RDH12: variants seen among roughly 807,000 people sequenced by gnomAD.
RDH12 encodes all-trans and 9-cis retinol dehydrogenase.
A neutral mutation model predicts 34.0 loss-of-function variants in RDH12; 21 were observed. That is an observed-to-expected ratio of 0.62 (90% CI 0.44 to 0.89). RDH12 has a LOEUF of 0.89. Ranked by LOEUF, RDH12 falls within the 40% of genes least tolerant of loss-of-function variation. The pLI is 0.00. For missense variants in RDH12, 394 were observed against 398.6 expected, an observed-to-expected ratio of 0.99 and a Z score of 0.10; for synonymous variants, 198 against 169.9, an observed-to-expected ratio of 1.17 and a Z score of -1.29.
At chr14:67,730,991 A>G (rs1312704792) in intron 8 of RDH12, among the ~76,000 whole-genome samples, 1 of 152,184 alleles carries the variant, frequency 6.6e-6, no homozygotes, top group Non-Finnish European at 1.5e-5. Flanking sequence ...ATGAGATAAA[A>G]GATATCTCAT....
At position 67,733,980 on chromosome 14, in the gene RDH12, T is replaced by G; in HGVS notation, c.*132T>G. ...CGAATCCTGCCTGCTCTGATCCTCT[T>G]GACCCTTCTGGGAATGTTTGCACAC... On this transcript the variant is annotated 3_prime_UTR_variant, in exon 9 of 9. Coordinates refer to ENST00000551171, the MANE Select transcript of RDH12 (RefSeq NM_152443.3). 1.5e-6 allele frequency: 1 copy of G among 670,956 alleles called. No homozygotes were observed. The highest frequency in any genetic ancestry group is 1.5e-5 in the South Asian group (1 of 66,476). 41.6% of individuals were successfully genotyped at this position (670,956 alleles called of 1,614,324 possible).
At position 67,725,132 on chromosome 14, in the gene RDH12, T is replaced by A; in HGVS notation, c.221T>A (p.Leu74Gln). Residue 74 changes from leucine (L) to glutamine (Q), a missense_variant, in exon 5 of 9, where the codon CTG becomes CAG. Leu to Gln is a moderately radical substitution (Grantham distance 113). Transcript: ENST00000551171. ...GTCTATATTGCCTGCAGAGATGTACTGAAGGGGGAGTCTGCTGCCAGTGAA... is the reference window on the plus strand; with the variant it reads ...GTCTATATTGCCTGCAGAGATGTACAGAAGGGGGAGTCTGCTGCCAGTGAA... Reference protein sequence around the residue: ...ARVYIACRDVLKGESAASEIR... With the variant: ...ARVYIACRDVQKGESAASEIR... The A allele has an allele frequency of 6.2e-7, 1 of 1,614,158 alleles. No individual in the cohort carries two copies. The highest frequency in any genetic ancestry group is 8.5e-7 in the Non-Finnish European group (1 of 1,180,014).
Position 67,733,921 on chromosome 14 carries a change from C to A in RDH12, c.*73C>A. On this transcript the variant is annotated 3_prime_UTR_variant, in exon 9 of 9. Transcript: ENST00000551171. ...AACAGGGACCAAGGAGAAGGCCAAC[C>A]CTAAAGGATTGTCCTCTTGGCCAGC... is the stretch of plus-strand genomic sequence containing the variant. 3.5e-6 allele frequency: 4 copies of A among 1,140,676 alleles called. No individual in the cohort carries two copies. Among genetic ancestry groups the A allele is most frequent in the East Asian group, 2.4e-5 (1 of 40,902 alleles). The allele number at this position is 1,140,676 out of a possible 1,614,324, so 70.7% of individuals were successfully genotyped here.
intron 1 of RDH12, among the ~76,000 whole-genome samples, chr14:67,708,898 T>C (rs1187584042): frequency 6.6e-6 from 1 of 151,830 alleles, no homozygotes; most frequent in African/African-American, 2.4e-5. Flanking sequence ...GTTCAAGTGA[T>C]TCTCCTGCCT....
At chr14:67,725,358 C>G (rs2038173204) in intron 5 of RDH12, 104 bp downstream of exon 5, 3 of 1,204,038 alleles carry the variant, frequency 2.5e-6, no homozygotes, top group Admixed American at 1.9e-5. Context: ...TCATCCACCC[C>G]ACTAGACAGG....
intron 1 of RDH12, among the ~76,000 whole-genome samples, chr14:67,716,270 A>G (rs1329783777): frequency 6.6e-6 from 1 of 152,206 alleles, no homozygotes; most frequent in Non-Finnish European, 1.5e-5. Flanking sequence ...ACTGCTGTAC[A>G]GAAAAGGCAA....
intron 1 of RDH12, among the ~76,000 whole-genome samples, chr14:67,708,888 G>A (rs1182910334): frequency 1.3e-5 from 2 of 151,478 alleles, no homozygotes; most frequent in Admixed American, 6.6e-5. Context: ...TGCCCCTCAG[G>A]TTCAAGTGAT....
At position 67,728,583 on chromosome 14, in the gene RDH12, A is replaced by G. The variant is rs373892879; in HGVS notation, c.659-608A>G. 7.2e-5 allele frequency among the ~76,000 whole-genome samples: 11 copies of G among 152,260 alleles called. No individual in the cohort carries two copies. In the East Asian group the frequency reaches 1.4e-3, roughly 19 times the overall value. On this transcript the variant is annotated intron_variant, in intron 7 of 8. Coordinates refer to ENST00000551171, the MANE Select transcript of RDH12 (RefSeq NM_152443.3). ...CTTTGTTGTAAATGGGTATCATAACATAATATTCTATTTTACAAGCCTCTT... is the reference window on the plus strand; with the variant it reads ...CTTTGTTGTAAATGGGTATCATAACGTAATATTCTATTTTACAAGCCTCTT...
intron 1 of RDH12, among the ~76,000 whole-genome samples, chr14:67,712,880 T>TA (rs1555389311): frequency 6.6e-6 from 1 of 151,648 alleles, no homozygotes; most frequent in Non-Finnish European, 1.5e-5. Flanking sequence ...GTAATCAAAA[T>TA]AAAAAAATGT....
At chr14:67,727,473 TTTG>T in intron 7 of RDH12, 17 of 363,372 alleles carry the variant, frequency 4.7e-5, no homozygotes, top group Non-Finnish European at 7.3e-5. Context: ...ACAGAGGCTT[TTTG>T]TTTTTTTTGT....
intron 8 of RDH12, chr14:67,729,871 A>G (rs750568885): frequency 1.8e-5 from 8 of 453,124 alleles, no homozygotes; most frequent in Non-Finnish European, 3.1e-5. Flanking sequence ...TCATGAACTC[A>G]ATGAGCAACT....
intron 8 of RDH12, among the ~76,000 whole-genome samples, chr14:67,731,217 T>C (rs1428471109): frequency 3.5e-5 from 5 of 141,732 alleles, no homozygotes; most frequent in African/African-American, 1.1e-4. Context: ...CTTTTTTTTT[T>C]TTTTTTTTTT....
At chr14:67,729,013 T>C (rs960097230) in intron 7 of RDH12, among the ~76,000 whole-genome samples, 178 bp from the exon 8 acceptor site, 2 of 152,188 alleles carry the variant, frequency 1.3e-5, no homozygotes, top group Non-Finnish European at 2.9e-5. Context: ...TATAGATCTT[T>C]CTGAAAGATC....
intron 1 of RDH12, among the ~76,000 whole-genome samples, chr14:67,712,493 C>CAAAAAAAAA (rs79758974): frequency 1.3e-4 from 5 of 38,942 alleles, no homozygotes; most frequent in Non-Finnish European, 2.2e-4. Flanking sequence ...AAAAAACTTG[C>CAAAAAAAAA]AAAAAAAAAA....
rs1026858084 is a variant in RDH12, at chr14:67,729,127, G to A, written c.659-64G>A. 1.2e-5 allele frequency: 19 copies of A among 1,520,888 alleles called. No homozygotes were observed. In the African/African-American group the frequency reaches 2.5e-4, roughly 20 times the overall value. The allele number at this position is 1,520,888 out of a possible 1,614,324, so 94.2% of individuals were successfully genotyped here. ...TTCTCACTTGTGTATTTTGCTGCAG[G>A]AGATAAGCTGTTTTCCTGGGCTCAG... On this transcript the variant is annotated intron_variant, in intron 7 of 8. Transcript: ENST00000551171.
rs1354179202 is a variant in RDH12, at chr14:67,726,989, C to T, written c.457C>T (p.Leu153Phe). Residue 153 changes from leucine to phenylalanine, a missense_variant, in exon 7 of 9, where the codon CTC (leucine) becomes TTC (phenylalanine). Coordinates refer to ENST00000551171, the MANE Select transcript of RDH12 (RefSeq NM_152443.3). The part of the protein sequence containing the change: ...HLGVNHLGHF[L>F]LTYLLLERLK... ...GCTGGCTCTCCTCACAGGCCACTTC[C>T]TCCTCACCTACCTGCTCCTGGAGCG... The T allele has an allele frequency of 6.2e-7, 1 of 1,612,506 alleles. No homozygotes were observed. The highest frequency in any genetic ancestry group is 1.7e-5 in the Admixed American group (1 of 60,010).
At chr14:67,710,351 TA>T (rs372214726) in intron 1 of RDH12, among the ~76,000 whole-genome samples, 14 of 152,368 alleles carry the variant, frequency 9.2e-5, no homozygotes, top group African/African-American at 2.9e-4. Context: ...CTTTTTTTCC[TA>T]AGCAAACCAA....
chr14:67,714,242 C>T (rs1389942695), intron 1 of RDH12, among the ~76,000 whole-genome samples: 2 of 152,178 alleles, frequency 1.3e-5, no homozygotes, highest in African/African-American at 4.8e-5. Flanking sequence ...CTCAAGTTCT[C>T]CTCCTGCCTC....
chr14:67,720,131 A>G (rs1211453271), intron 1 of RDH12, among the ~76,000 whole-genome samples: 1 of 152,254 alleles, frequency 6.6e-6, no homozygotes, highest in Non-Finnish European at 1.5e-5. Flanking sequence ...CTGATAAGTG[A>G]AAAGTGGCTC....
Sources: allele counts gnomAD v4.1 joint callset (sites outside exome capture counted in the v4.1 genomes callset), GRCh38; gene constraint gnomAD v4.1.1; transcripts MANE v1.5; gene names NCBI Gene and HGNC (gene_info 2026-07-23, HGNC 2026-07-21).